NBAS: variants seen among roughly 807,000 people sequenced by gnomAD.
The protein encoded by NBAS is NAG/BC035112 fusion.
A neutral mutation model predicts 302.5 loss-of-function variants in NBAS; 219 were observed. The ratio of observed to expected loss-of-function variants is 0.72; its 90% confidence interval spans 0.65 to 0.81. The LOEUF (loss-of-function observed/expected upper bound fraction) is 0.81. Ranked by LOEUF, NBAS falls within the 30% of genes least tolerant of loss-of-function variation. The pLI is 0.00. For missense variants in NBAS, 2,932 were observed against 2,841.6 expected (o/e 1.03, Z -0.72); for synonymous variants, 1,118 against 1,021.6 (o/e 1.09, Z -1.80).
Position 15,328,307 on chromosome 2 carries a change from T to C in NBAS, c.4353A>G (p.Gln1451=). The C allele has an allele frequency of 6.2e-7, 1 of 1,613,494 alleles. No homozygotes were observed. Among genetic ancestry groups the C allele is most frequent in the African/African-American group, 1.3e-5 (1 of 74,928 alleles). Residue 1451 remains glutamine (Q), a synonymous_variant, in exon 37 of 52, where the codon CAA becomes CAG. Transcript: ENST00000281513. ...SLTYLRPLQG[Q]KCGGAYQIGT... ...CGATTTGATATGCACCACCACATTT[T>C]TGCCCCTAAAAAGAAAAAAAGTACA...
At chr2:15,553,801 T>TCTCC in intron 4 of NBAS, among the ~76,000 whole-genome samples, 1 of 115,892 alleles carries the variant, frequency 8.6e-6, no homozygotes, top group Non-Finnish European at 1.8e-5. Context: ...TCCCTCCCTC[T>TCTCC]CTCCCTCCCT....
At chr2:15,349,447 C>T (rs1479813717) in intron 35 of NBAS, among the ~76,000 whole-genome samples, 1 of 152,114 alleles carries the variant, frequency 6.6e-6, no homozygotes, top group African/African-American at 2.4e-5. Context: ...TGCCAAAGGA[C>T]AAAGTGTATC....
chr2:15,344,775 C>T (rs149411811), intron 35 of NBAS, among the ~76,000 whole-genome samples: 1 of 152,160 alleles, frequency 6.6e-6, no homozygotes, highest in Non-Finnish European at 1.5e-5. Context: ...AAAACACTGG[C>T]AAACCGAATC....
At chr2:15,111,233 A>C in the NBAS span, among the ~76,000 whole-genome samples, 3 of 152,138 alleles carry the variant, frequency 2.0e-5, no homozygotes, top group Admixed American at 6.6e-5. Flanking sequence ...GTTGTGAGAT[A>C]GGTGTGTCTT....
the NBAS span, among the ~76,000 whole-genome samples, chr2:14,877,616 T>C: frequency 1.3e-5 from 2 of 152,072 alleles, no homozygotes; most frequent in African/African-American, 2.4e-5. Context: ...GCCTGGGGAG[T>C]TAGGAAAACA....
At chr2:15,436,113 C>T (rs1287293913) in intron 21 of NBAS, among the ~76,000 whole-genome samples, 1 of 152,086 alleles carries the variant, frequency 6.6e-6, no homozygotes, top group East Asian at 1.9e-4. Context: ...ACCATTGATA[C>T]TCTCTTAATT....
At chr2:14,781,740 T>C in the NBAS span, among the ~76,000 whole-genome samples, 2 of 112,334 alleles carry the variant, frequency 1.8e-5, no homozygotes, top group Non-Finnish European at 3.4e-5. Flanking sequence ...CTATGAGCTA[T>C]TGTGACAAAA....
In NBAS at chr2:15,474,113, A is replaced by C. The variant is rs763250573; in HGVS notation, c.1553T>G (p.Leu518Arg). 3 of 1,614,142 alleles carry C rather than the reference A, an allele frequency of 1.9e-6. No individual in the cohort carries two copies. The highest frequency in any genetic ancestry group is 2.5e-6 in the Non-Finnish European group (3 of 1,180,022). ...RPRTITKNYR[L>R]VSLRSTTPEE... ...TGGTGTCGTGGAGCGCAAACTCACA[A>C]GGCGGTAGTTTTTAGTAATGGTTCG... Residue 518 changes from leucine (L) to arginine (R), a missense_variant, in exon 15 of 52, where the codon CTT becomes CGT. By Grantham distance (102) the Leu-to-Arg change is moderately radical (BLOSUM62 -2). Coordinates refer to ENST00000281513, the MANE Select transcript of NBAS (RefSeq NM_015909.4).
At chr2:15,179,794 C>T (rs1664737169) in intron 50 of NBAS, 1 of 152,240 alleles carries the variant, frequency 6.6e-6, no homozygotes, top group Non-Finnish European at 1.5e-5. Flanking sequence ...TTATTCTCAG[C>T]CCTGTATTTT....
At chr2:15,488,395 C>T (rs1680721710) in intron 12 of NBAS, among the ~76,000 whole-genome samples, 1 of 152,078 alleles carries the variant, frequency 6.6e-6, no homozygotes, top group African/African-American at 2.4e-5. Flanking sequence ...TCATCTAATC[C>T]TTAAAACCTA....
intron 48 of NBAS, among the ~76,000 whole-genome samples, 160 bp downstream of exon 48, chr2:15,218,613 G>T (rs1157439522): frequency 2.6e-5 from 4 of 152,212 alleles, no homozygotes; most frequent in Non-Finnish European, 5.9e-5. Flanking sequence ...TAGAGATGGG[G>T]TTTTGTCATG....
chr2:14,918,908 A>C, the NBAS span, among the ~76,000 whole-genome samples: 1 of 152,130 alleles, frequency 6.6e-6, no homozygotes, highest in South Asian at 2.1e-4. Flanking sequence ...GTTGTCCTGA[A>C]CCAGGACAGA....
downstream of NBAS, among the ~76,000 whole-genome samples, chr2:15,163,560 G>A (rs1352912893): frequency 6.6e-6 from 1 of 152,146 alleles, no homozygotes; most frequent in Non-Finnish European, 1.5e-5. Context: ...GTCATGACTG[G>A]TAACCACTGG....
intron 19 of NBAS, among the ~76,000 whole-genome samples, chr2:15,464,597 CTTCTA>C (rs1257512470): frequency 6.6e-6 from 1 of 152,090 alleles, no homozygotes; most frequent in Admixed American, 6.6e-5. Context: ...ATACTTCTTC[CTTCTA>C]TTCTAAACAC....
chr2:15,167,697 T>G (rs1664097138), intron 51 of NBAS, among the ~76,000 whole-genome samples: 1 of 152,236 alleles, frequency 6.6e-6, no homozygotes, highest in African/African-American at 2.4e-5. Flanking sequence ...TGCTTAACAT[T>G]GTAACCAGTT....
chr2:15,473,292 T>C lies in NBAS; in HGVS notation c.1655A>G (p.Asp552Gly), dbSNP rs1236122750. The change falls in exon 16 of 52, where the codon GAT becomes GGT. Residue 552 changes from aspartate (D) to glycine (G), a missense_variant. By Grantham distance (94) the Asp-to-Gly change is moderately conservative. Transcript: ENST00000281513. ...CTGCCTCTGATATACAAGGTCAGTATCCAGGCCGTAGGTATGAGCCAAGGA... is the reference window on the plus strand; with the variant it reads ...CTGCCTCTGATATACAAGGTCAGTACCCAGGCCGTAGGTATGAGCCAAGGA... ...ALSLAHTYGL[D>G]TDLVYQRQWR... 6.2e-7 allele frequency: 1 copy of C among 1,614,120 alleles called. No individual in the cohort carries two copies. The highest frequency in any genetic ancestry group is 8.5e-7 in the Non-Finnish European group (1 of 1,179,970).
intron 9 of NBAS, among the ~76,000 whole-genome samples, chr2:15,533,679 CGTGTGTGTGTGTGTGT>C (rs59222907): frequency 0.065 from 9,292 of 143,966 alleles, 400 homozygotes; most frequent in South Asian, 0.11. Flanking sequence ...GGGGGGTGTG[CGTGTGTGTGTGTGTGT>C]GTGTGTGTGT....
the NBAS span, among the ~76,000 whole-genome samples, chr2:15,150,381 C>T: frequency 6.6e-6 from 1 of 152,134 alleles, no homozygotes; most frequent in Non-Finnish European, 1.5e-5. Flanking sequence ...TGCTAAGTCA[C>T]CCAGTACTGA....
At chr2:15,105,252 C>G in the NBAS span, among the ~76,000 whole-genome samples, 402 of 151,986 alleles carry the variant, frequency 2.6e-3, 2 homozygotes, top group African/African-American at 8.5e-3. Context: ...ACACCGGGGC[C>G]TGTCAGGGGG....
Sources: allele counts gnomAD v4.1 joint callset (sites outside exome capture counted in the v4.1 genomes callset), GRCh38; gene constraint gnomAD v4.1.1; transcripts MANE v1.5; gene names NCBI Gene and HGNC (gene_info 2026-07-23, HGNC 2026-07-21).